Variants in ARPIN observed in about 807,000 individuals in gnomAD.
The protein encoded by ARPIN is UPF0552 protein C15orf38.
In ARPIN, 23 loss-of-function variants were observed where a neutral mutation model predicts 25.9. The observed-to-expected ratio is 0.89, with a 90% CI of 0.64 to 1.26. The LOEUF (loss-of-function observed/expected upper bound fraction) is 1.26. ARPIN is among the 50% of genes most tolerant of loss of function. The pLI, the probability that ARPIN is intolerant of heterozygous loss-of-function variation, is 0.00. For missense variants in ARPIN, 333 were observed against 312.2 expected, an observed-to-expected ratio of 1.07 and a Z score of -0.50; for synonymous variants, 126 against 131.4, an observed-to-expected ratio of 0.96 and a Z score of 0.28.
At position 89,903,292 on chromosome 15, in the gene ARPIN, A is replaced by G. The variant is rs776331003; in HGVS notation, c.596T>C (p.Ile199Thr). Residue 199 changes from isoleucine (I) to threonine (T), a missense_variant, in exon 5 of 6, where the codon ATC (isoleucine) becomes ACC (threonine). By Grantham distance (89) the Ile-to-Thr change is moderately conservative. Transcript: ENST00000357484. ...GKTGASWTDN[I>T]MAQKCSKGAA... ...CCCCTTCGAACACTTTTGGGCCATGATGTTGTCTGTCCAGGATGCCCCTGT... is the reference window on the plus strand; with the variant it reads ...CCCCTTCGAACACTTTTGGGCCATGGTGTTGTCTGTCCAGGATGCCCCTGT... 2 of 1,614,130 alleles carry G rather than the reference A, an allele frequency of 1.2e-6. No individual in the cohort carries two copies. Among genetic ancestry groups the G allele is most frequent in the Admixed American group, 1.7e-5 (1 of 60,002 alleles).
Position 89,901,381 on chromosome 15 carries a change from G to A in ARPIN, c.*414C>T. The stretch of plus-strand genomic sequence containing the variant: ...TCTACAAACAAAGCTGCTATCCAGG[G>A]CCAGGGTCAACATGAGGCTGGGTGC... On this transcript the variant is annotated 3_prime_UTR_variant, in exon 6 of 6. Transcript: ENST00000357484. 1 of 216,390 alleles carries A rather than the reference G, an allele frequency of 4.6e-6. No individual in the cohort carries two copies. The highest frequency in any genetic ancestry group is 9.2e-6 in the Non-Finnish European group (1 of 108,906). 13.4% of individuals were successfully genotyped at this position (216,390 alleles called of 1,614,324 possible). A position where few individuals can be genotyped will look rare whatever the true frequency, so the allele number is the denominator to read the frequency against.
chr15:89,905,519 A>G (rs2141922122), intron 3 of ARPIN, among the ~76,000 whole-genome samples: 1 of 151,640 alleles, frequency 6.6e-6, no homozygotes, highest in East Asian at 2.0e-4. Flanking sequence ...TTTGACACCT[A>G]CTGCTCCAGA....
In ARPIN at chr15:89,897,646, T is replaced by G. The variant is rs1896951236; in HGVS notation, c.*4149A>C. On this transcript the variant is annotated 3_prime_UTR_variant, in exon 6 of 6. Transcript: ENST00000357484. ...TGTACCAGAAAACCCCTATGCAAGT[T>G]TACAAAAACCAAAACTATGTACACA... The G allele has an allele frequency of 6.6e-6, 1 of 152,138 alleles. No homozygotes were observed. Among genetic ancestry groups the G allele is most frequent in the Non-Finnish European group, 1.5e-5 (1 of 68,032 alleles). The allele number at this position is 152,138 out of a possible 1,614,324, so 9.4% of individuals were successfully genotyped here.
At chr15:89,910,713 C>T in intron 2 of ARPIN, 31 bp downstream of exon 2, 1 of 1,613,724 alleles carries the variant, frequency 6.2e-7, no homozygotes, top group Non-Finnish European at 8.5e-7. Flanking sequence ...AAGTCAGTGC[C>T]CTCTAGCTAG....
At position 89,904,096 on chromosome 15, in the gene ARPIN, C is replaced by T. The variant is rs116074059; in HGVS notation, c.302-113G>A. 2,276 of 1,321,702 alleles carry T rather than the reference C, an allele frequency of 1.7e-3. 41 individuals are homozygous for T. In the African/African-American group the frequency reaches 0.029, roughly 17 times the overall value. 81.9% of individuals were successfully genotyped at this position (1,321,702 alleles called of 1,614,324 possible). ...GTTTCCAAGCTCAGTCACCCGGAGG[C>T]TGGGACTCAGTGCCCATTCTGCGAG... On this transcript the variant is annotated intron_variant, in intron 3 of 5. Transcript: ENST00000357484.
intron 1 of ARPIN, 180 bp downstream of exon 1, chr15:89,912,564 G>A: frequency 7.4e-7 from 1 of 1,349,336 alleles, no homozygotes; most frequent in Non-Finnish European, 9.5e-7. Flanking sequence ...TGGGGTCGCT[G>A]GGCGGGCGCG....
At chr15:89,912,374 G>A in intron 1 of ARPIN, 1 of 1,033,940 alleles carries the variant, frequency 9.7e-7, no homozygotes, top group Non-Finnish European at 1.2e-6. Context: ...CCCTTCTGGG[G>A]CAGGGCATGA....
At chr15:89,912,116 TG>T in intron 1 of ARPIN, 1 of 851,874 alleles carries the variant, frequency 1.2e-6, no homozygotes, top group Non-Finnish European at 1.4e-6. Flanking sequence ...CCACAGCGCC[TG>T]GTCTGTTCTG....
At position 89,901,578 on chromosome 15, in the gene ARPIN, C is replaced by T. The variant is rs1414576507; in HGVS notation, c.*217G>A. 4 of 590,368 alleles carry T rather than the reference C, an allele frequency of 6.8e-6. No individual in the cohort carries two copies. Among genetic ancestry groups the T allele is most frequent in the Non-Finnish European group, 1.2e-5 (4 of 332,784 alleles). The allele number at this position is 590,368 out of a possible 1,614,324, so 36.6% of individuals were successfully genotyped here. ...GGCTAGACTCACATGCAGGGAGGGG[C>T]CCTCCCTGAGCCACAGCATGAGGCC... On this transcript the variant is annotated 3_prime_UTR_variant, in exon 6 of 6. Transcript: ENST00000357484.
chr15:89,905,464 C>G (rs926914246), intron 3 of ARPIN, among the ~76,000 whole-genome samples: 1 of 152,138 alleles, frequency 6.6e-6, no homozygotes, highest in Non-Finnish European at 1.5e-5. Flanking sequence ...CTGTCTCTCT[C>G]TCCCCACTCC....
At chr15:89,910,015 T>A (rs1011679528) in intron 2 of ARPIN, among the ~76,000 whole-genome samples, 2 of 152,190 alleles carry the variant, frequency 1.3e-5, no homozygotes, top group African/African-American at 4.8e-5. Flanking sequence ...CTGGGCAGGC[T>A]AGCTAGGGGC....
intron 3 of ARPIN, among the ~76,000 whole-genome samples, chr15:89,905,669 C>A (rs944927243): frequency 6.6e-6 from 1 of 152,230 alleles, no homozygotes; most frequent in Non-Finnish European, 1.5e-5. Flanking sequence ...CTTGGCTTCG[C>A]GGGGCTTTAG....
chr15:89,912,641 C>T (rs997058829), intron 1 of ARPIN, 103 bp downstream of exon 1: 8 of 1,342,054 alleles, frequency 6.0e-6, no homozygotes, highest in Non-Finnish European at 6.7e-6. Flanking sequence ...GCTTTGGCAA[C>T]CCCAGTTTTC....
At position 89,912,663 on chromosome 15, in the gene ARPIN, T is replaced by TGGGGGCCCC; in HGVS notation, c.92+80_92+81insGGGGCCCCC. ...CAACCCCAGTTTTCCCCCACCCGCA[T>TGGGGGCCCC]CCCACCCCCCCACCCGATCCTGTTG... On this transcript the variant is annotated intron_variant, in intron 1 of 5. Transcript: ENST00000357484. 4.5e-5 allele frequency: 39 copies of TGGGGGCCCC among 871,030 alleles called. No individual in the cohort carries two copies. In the East Asian group the frequency reaches 5.0e-4, roughly 11 times the overall value. The allele number at this position is 871,030 out of a possible 1,614,324, so 54.0% of individuals were successfully genotyped here. A position where few individuals can be genotyped will look rare whatever the true frequency, so the allele number is the denominator to read the frequency against.
At chr15:89,907,288 G>A (rs1367935310) in intron 3 of ARPIN, among the ~76,000 whole-genome samples, 2 of 151,844 alleles carry the variant, frequency 1.3e-5, no homozygotes, top group African/African-American at 4.8e-5. Flanking sequence ...GGCCGGTCTC[G>A]AACTCCTGAC....
At chr15:89,904,797 C>T (rs1207089908) in intron 3 of ARPIN, among the ~76,000 whole-genome samples, 4 of 152,222 alleles carry the variant, frequency 2.6e-5, no homozygotes, top group Admixed American at 6.5e-5. Flanking sequence ...CCAGCCAACC[C>T]ATGAACACAT....
Position 89,908,366 on chromosome 15 carries a change from C to T in ARPIN, c.215G>A (p.Arg72His), listed in dbSNP as rs749897855. 8.7e-6 allele frequency: 14 copies of T among 1,614,020 alleles called. No homozygotes were observed. Among genetic ancestry groups the T allele is most frequent in the Admixed American group, 1.7e-5 (1 of 59,998 alleles). The change falls in exon 3 of 6, where the codon CGT becomes CAT. Residue 72 changes from arginine to histidine, a missense_variant. Arg to His is a conservative substitution (Grantham distance 29). Transcript: ENST00000357484. Reference protein sequence around the residue: ...LYIRPSHIHRRKFDAKGNEIE... With the variant: ...LYIRPSHIHRHKFDAKGNEIE... ...TTCATTTCCCTTGGCGTCGAATTTACGGCGATGGATGTGACTGGGCCGGAT... is the reference window on the plus strand; with the variant it reads ...TTCATTTCCCTTGGCGTCGAATTTATGGCGATGGATGTGACTGGGCCGGAT...
At chr15:89,911,344 T>A (rs1897220033) in intron 1 of ARPIN, among the ~76,000 whole-genome samples, 1 of 152,194 alleles carries the variant, frequency 6.6e-6, no homozygotes, top group South Asian at 2.1e-4. Context: ...TGGTTATTAC[T>A]GAGAGGTGAA....
At position 89,903,966 on chromosome 15, in the gene ARPIN, C is replaced by G. The variant is rs754776501; in HGVS notation, c.319G>C (p.Asp107His). 6.2e-7 allele frequency: 1 copy of G among 1,607,282 alleles called. No individual in the cohort carries two copies. Among genetic ancestry groups the G allele is most frequent in the Admixed American group, 1.7e-5 (1 of 59,966 alleles). ...MSSYKVEAKG[D>H]TDRLTPEALK... ...GCCTCGGGCGTGAGCCTGTCAGTGT[C>G]CCCCTTGGCTTCCACCTCTGCAGGC... Residue 107 changes from aspartate to histidine, a missense_variant, in exon 4 of 6, where the codon GAC (aspartate) becomes CAC (histidine). Transcript: ENST00000357484.
Sources: allele counts gnomAD v4.1 joint callset (sites outside exome capture counted in the v4.1 genomes callset), GRCh38; gene constraint gnomAD v4.1.1; transcripts MANE v1.5; gene names NCBI Gene and HGNC (gene_info 2026-07-23, HGNC 2026-07-21).